The following IGSF21 variants were observed in gnomAD, a reference collection of about 807,000 sequenced individuals.
IGSF21 encodes immunoglobin superfamily member 21, also known as immunoglobulin superfamily member 21.
Under a neutral mutation model 46.8 loss-of-function variants are expected in IGSF21, and 28 were observed. The observed-to-expected ratio is 0.60, with a 90% CI of 0.44 to 0.82. IGSF21 has a LOEUF of 0.82. Among genes scored for constraint, IGSF21 ranks in the 40% least tolerant of loss-of-function variants. The pLI, the probability that IGSF21 is intolerant of heterozygous loss-of-function variation, is 0.00. For missense variants in IGSF21, 624 were observed against 665.5 expected (o/e 0.94, Z 0.69); for synonymous variants, 284 against 273.6 (o/e 1.04, Z -0.38).
chr1:18,272,684 T>C (rs1045714334), intron 2 of IGSF21, among the ~76,000 whole-genome samples: 1 of 152,188 alleles, frequency 6.6e-6, no homozygotes, highest in African/African-American at 2.4e-5. Flanking sequence ...GTTGAGTGTG[T>C]CCCCTCGGCT....
chr1:18,187,421 G>A (rs774072405), intron 1 of IGSF21, among the ~76,000 whole-genome samples: 8 of 152,184 alleles, frequency 5.3e-5, no homozygotes, highest in South Asian at 4.1e-4. Context: ...GGCTGGGGAG[G>A]CCTCATAATC....
At chr1:18,169,463 C>G (rs573682819) in intron 1 of IGSF21, among the ~76,000 whole-genome samples, 1 of 152,348 alleles carries the variant, frequency 6.6e-6, no homozygotes, top group African/African-American at 2.4e-5. Context: ...GTCCTCTGCT[C>G]TTTCCAATTC....
intron 1 of IGSF21, among the ~76,000 whole-genome samples, chr1:18,171,331 G>A (rs1243235782): frequency 6.6e-6 from 1 of 152,142 alleles, no homozygotes; most frequent in Non-Finnish European, 1.5e-5. Context: ...TCAGAGGGCT[G>A]CAGGGCAGAA....
At chr1:18,301,294 G>A (rs1265880462) in intron 3 of IGSF21, among the ~76,000 whole-genome samples, 3 of 151,866 alleles carry the variant, frequency 2.0e-5, no homozygotes, top group Non-Finnish European at 2.9e-5. Flanking sequence ...AGCATGGTGA[G>A]CAGGTCATCC....
chr1:18,336,714 C>T (rs1287198276), intron 4 of IGSF21, among the ~76,000 whole-genome samples: 1 of 152,226 alleles, frequency 6.6e-6, no homozygotes, highest in Non-Finnish European at 1.5e-5. Context: ...TATTCTCCTA[C>T]TGTGGCCTCA....
At chr1:18,188,815 G>A (rs541682370) in intron 1 of IGSF21, among the ~76,000 whole-genome samples, 10 of 152,340 alleles carry the variant, frequency 6.6e-5, no homozygotes, top group Non-Finnish European at 1.2e-4. Context: ...ATAGCCAGAC[G>A]TGTCAGAGCT....
chr1:18,292,082 C>A, intron 3 of IGSF21, 95 bp downstream of exon 3: 1 of 1,317,890 alleles, frequency 7.6e-7, no homozygotes, highest in South Asian at 1.3e-5. Flanking sequence ...CACATCAATC[C>A]CTCGGTGCTC....
At chr1:18,256,896 G>T (rs1309902355) in intron 2 of IGSF21, among the ~76,000 whole-genome samples, 1 of 152,250 alleles carries the variant, frequency 6.6e-6, no homozygotes, top group East Asian at 1.9e-4. Flanking sequence ...TGGCCCAGTT[G>T]CCGGCAAGCG....
In IGSF21 at chr1:18,322,765, C is replaced by A. The variant is rs903935765; in HGVS notation, c.306-12127C>A. On this transcript the variant is annotated intron_variant, in intron 3 of 9. Transcript: ENST00000251296. This position sits in a 1 kb window ranked among gnomAD's most constrained non-coding sequence, Gnocchi z 4.3. ...GTCCAACAGGCTGACCAGTGAGGGG[C>A]TAAGTGGATCAGTCAGGACCTGGAG... 2.8e-5 allele frequency among the ~76,000 whole-genome samples: 4 copies of A among 142,230 alleles called. No individual in the cohort carries two copies. Among genetic ancestry groups the A allele is most frequent in the Middle Eastern group, 3.5e-3 (1 of 286 alleles). 93.3% of individuals were successfully genotyped at this position (142,230 alleles called of 152,430 possible). A position where few individuals can be genotyped will look rare whatever the true frequency, so the allele number is the denominator to read the frequency against.
At chr1:18,230,735 G>A (rs987028327) in intron 2 of IGSF21, among the ~76,000 whole-genome samples, 3 of 152,096 alleles carry the variant, frequency 2.0e-5, no homozygotes, top group African/African-American at 7.2e-5. Context: ...GCAGCTGAAG[G>A]GAGAGAGATA....
At chr1:18,359,458 GAAAGGGAAGGAAGGAAGGAAGGAAGGAA>G (rs2086074523) in intron 4 of IGSF21, among the ~76,000 whole-genome samples, 1 of 120,838 alleles carries the variant, frequency 8.3e-6, no homozygotes, top group African/African-American at 3.6e-5. Flanking sequence ...AAGAAAGAAA[GAAAGGGAAGGAAGGAAGGAAGGAAGGAA>G]GGAAGGAAGG....
At chr1:18,351,962 A>G (rs957231814) in intron 4 of IGSF21, among the ~76,000 whole-genome samples, 5 of 152,158 alleles carry the variant, frequency 3.3e-5, no homozygotes, top group African/African-American at 9.7e-5. Context: ...AGCAGAGAGG[A>G]TCTGCATGGG....
chr1:18,256,136 C>A (rs912575293), intron 2 of IGSF21, among the ~76,000 whole-genome samples: 1 of 152,164 alleles, frequency 6.6e-6, no homozygotes, highest in African/African-American at 2.4e-5. Flanking sequence ...TCTTTCTATT[C>A]ATCAAATTAG....
At chr1:18,256,458 G>C (rs1000738105) in intron 2 of IGSF21, among the ~76,000 whole-genome samples, 1 of 152,158 alleles carries the variant, frequency 6.6e-6, no homozygotes, top group Non-Finnish European at 1.5e-5. Context: ...TTTGTTTTCA[G>C]GTCACCCAGG....
intron 1 of IGSF21, among the ~76,000 whole-genome samples, chr1:18,130,164 ACC>A (rs1249030833): frequency 1.3e-5 from 2 of 151,574 alleles, no homozygotes; most frequent in East Asian, 3.9e-4. Context: ...ACTGGACACC[ACC>A]CCCCAACCCC....
chr1:18,247,471 C>T (rs144564749), intron 2 of IGSF21, among the ~76,000 whole-genome samples: 25 of 152,244 alleles, frequency 1.6e-4, no homozygotes, highest in African/African-American at 5.8e-4. Context: ...GGAGCTCTTA[C>T]ACTCAAAGCA....
intron 3 of IGSF21, among the ~76,000 whole-genome samples, chr1:18,310,503 T>G (rs919964063): frequency 1.3e-5 from 2 of 152,184 alleles, no homozygotes; most frequent in African/African-American, 4.8e-5. Context: ...TCCTGTGGAG[T>G]GGCATTGGAG....
At chr1:18,177,741 G>T (rs911181124) in intron 1 of IGSF21, among the ~76,000 whole-genome samples, 6 of 152,074 alleles carry the variant, frequency 3.9e-5, no homozygotes, top group African/African-American at 1.4e-4. Context: ...AGGGGGAGTG[G>T]GTGTGTTTGG....
intron 4 of IGSF21, among the ~76,000 whole-genome samples, chr1:18,342,132 C>T (rs948043820): frequency 1.3e-5 from 2 of 151,004 alleles, no homozygotes; most frequent in African/African-American, 2.4e-5. Flanking sequence ...CTTGCTCTGT[C>T]CCCCAGGCTG....
Sources: allele counts gnomAD v4.1 joint callset (sites outside exome capture counted in the v4.1 genomes callset), GRCh38; gene constraint gnomAD v4.1.1; non-coding constraint Gnocchi (gnomAD v3.1); transcripts MANE v1.5; gene names NCBI Gene and HGNC (gene_info 2026-07-23, HGNC 2026-07-21).